Variants in MCC observed in about 807,000 individuals in gnomAD.
MCC encodes the protein colorectal mutant cancer protein.
A neutral mutation model predicts 116.2 loss-of-function variants in MCC; 90 were observed. That is an observed-to-expected ratio of 0.77 (90% CI 0.65 to 0.92). The LOEUF is 0.92. Among genes scored for constraint, MCC ranks in the 40% least tolerant of loss-of-function variants. MCC has a pLI of 0.00. For synonymous variants in MCC, 578 were observed against 510.5 expected, an observed-to-expected ratio of 1.13 and a Z score of -1.78; for missense variants, 1,516 against 1,312.2, an observed-to-expected ratio of 1.16 and a Z score of -2.40.
intron 3 of MCC, among the ~76,000 whole-genome samples, chr5:113,273,094 T>C (rs1022763909): frequency 5.3e-5 from 8 of 152,194 alleles, no homozygotes; most frequent in Admixed American, 2.0e-4. Flanking sequence ...TCAATAATAC[T>C]AGAAAGAAAA....
intron 3 of MCC, among the ~76,000 whole-genome samples, chr5:113,210,407 T>TGGAATTTAA (rs1554066966): frequency 6.6e-6 from 1 of 151,954 alleles, no homozygotes; most frequent in Non-Finnish European, 1.5e-5. Flanking sequence ...TGTTTTAGTC[T>TGGAATTTAA]GGAATATAAG....
chr5:113,078,623 A>G (rs994879786), intron 11 of MCC, among the ~76,000 whole-genome samples: 5 of 152,230 alleles, frequency 3.3e-5, no homozygotes, highest in Admixed American at 6.5e-5. Flanking sequence ...TCATGCTAAA[A>G]ACTCTCAATA....
intron 3 of MCC, among the ~76,000 whole-genome samples, chr5:113,298,495 T>G (rs970145154): frequency 1.2e-4 from 19 of 152,132 alleles, no homozygotes; most frequent in African/African-American, 3.6e-4. Flanking sequence ...TCCATAAATT[T>G]GATGGTGACA....
At chr5:113,399,525 G>T (rs879438064) in intron 1 of MCC, among the ~76,000 whole-genome samples, 42 of 152,060 alleles carry the variant, frequency 2.8e-4, no homozygotes, top group Admixed American at 2.3e-3. Context: ...TATTATTAAG[G>T]TTATTTACTA....
intron 14 of MCC, 87 bp downstream of exon 14, chr5:113,063,897 C>A: frequency 4.2e-6 from 6 of 1,429,260 alleles, no homozygotes; most frequent in Non-Finnish European, 4.7e-6. Context: ...CACACAGTCC[C>A]CAAGAGCTGG....
intron 17 of MCC, among the ~76,000 whole-genome samples, chr5:113,036,244 G>T (rs1193073794): frequency 1.3e-5 from 2 of 151,958 alleles, no homozygotes; most frequent in East Asian, 3.9e-4. Context: ...CACCATGTTG[G>T]CCAGGCCAGT....
chr5:113,053,878 C>T lies in MCC; in HGVS notation c.2295G>A (p.Gln765=), dbSNP rs1752646002. The change falls in exon 15 of 19, where the codon CAG becomes CAA. Residue 765 remains glutamine, a synonymous_variant. Coordinates refer to ENST00000408903, the MANE Select transcript of MCC (RefSeq NM_001085377.2). ...DEQRLKDYIQ[Q]LKNDRAAVKL... is the part of the protein sequence containing the mutation. ...TGACCGCAGCCCTGTCATTCTTGAG[C>T]TGCTGGATATAATCCTTCAGCCTCT... 6.2e-7 allele frequency: 1 copy of T among 1,614,172 alleles called. No homozygotes were observed. The highest frequency in any genetic ancestry group is 1.3e-5 in the African/African-American group (1 of 75,038).
intron 15 of MCC, among the ~76,000 whole-genome samples, chr5:113,053,183 T>TGAA (rs1190336937): frequency 6.6e-6 from 1 of 152,118 alleles, no homozygotes; most frequent in Non-Finnish European, 1.5e-5. Context: ...CACTAGCAGC[T>TGAA]GAAGGGCCCA....
chr5:113,073,334 G>C (rs924400372), intron 11 of MCC, among the ~76,000 whole-genome samples: 14 of 152,176 alleles, frequency 9.2e-5, no homozygotes, highest in African/African-American at 3.1e-4. Context: ...AGCTGCCCTG[G>C]CATACCACAA....
intron 1 of MCC, among the ~76,000 whole-genome samples, chr5:113,469,497 G>A (rs1369889761): frequency 3.9e-5 from 6 of 152,192 alleles, no homozygotes; most frequent in Non-Finnish European, 8.8e-5. Flanking sequence ...GCGGTTTTGA[G>A]TGAGTTTCTC....
intron 3 of MCC, among the ~76,000 whole-genome samples, chr5:113,196,633 A>G (rs1011817461): frequency 6.6e-6 from 1 of 152,298 alleles, no homozygotes; most frequent in African/African-American, 2.4e-5. Context: ...GGAGATAATG[A>G]GGTCAGGAGA....
intron 5 of MCC, among the ~76,000 whole-genome samples, chr5:113,124,862 C>G (rs536426982): frequency 2.0e-5 from 3 of 152,330 alleles, no homozygotes; most frequent in African/African-American, 7.2e-5. Context: ...AAGATGTTCA[C>G]AAGAAGGATG....
intron 13 of MCC, among the ~76,000 whole-genome samples, chr5:113,066,626 G>C (rs930125385): frequency 1.2e-4 from 19 of 152,220 alleles, no homozygotes; most frequent in African/African-American, 4.1e-4. Context: ...TCAGATTCCT[G>C]TGCAAGTCGA....
At chr5:113,123,520 C>A (rs141434236) in intron 5 of MCC, among the ~76,000 whole-genome samples, 8 of 152,314 alleles carry the variant, frequency 5.3e-5, no homozygotes, top group East Asian at 3.9e-4. Flanking sequence ...AACATTTAAA[C>A]CCCACTGTGT....
intron 3 of MCC, among the ~76,000 whole-genome samples, chr5:113,232,511 C>A (rs567110021): frequency 6.6e-6 from 1 of 152,192 alleles, no homozygotes; most frequent in African/African-American, 2.4e-5. Context: ...ATTCTGAATT[C>A]GCACGCCCAA....
intron 1 of MCC, among the ~76,000 whole-genome samples, chr5:113,389,600 C>G (rs1561548185): frequency 6.6e-6 from 1 of 152,090 alleles, no homozygotes; most frequent in African/African-American, 2.4e-5. Context: ...ACTTTGATTT[C>G]TTTCTCTCTT....
At chr5:113,461,158 G>C (rs534793561) in intron 1 of MCC, among the ~76,000 whole-genome samples, 9 of 152,140 alleles carry the variant, frequency 5.9e-5, no homozygotes, top group Non-Finnish European at 1.3e-4. Context: ...CTACGCAAGA[G>C]GCTGACACAG....
intron 17 of MCC, among the ~76,000 whole-genome samples, chr5:113,040,936 T>G (rs879869826): frequency 2.6e-5 from 4 of 152,342 alleles, no homozygotes; most frequent in Middle Eastern, 3.4e-3. Context: ...TTGAAAAACT[T>G]AAGGGCTTAG....
chr5:113,363,226 G>A (rs1267058739), intron 2 of MCC, among the ~76,000 whole-genome samples: 1 of 152,178 alleles, frequency 6.6e-6, no homozygotes, highest in Admixed American at 6.6e-5. Context: ...GCAGTGAGCC[G>A]AGATCACGCC....
Sources: gnomAD v4.1 joint callset for allele counts (sites outside exome capture counted in the v4.1 genomes callset) on GRCh38, gnomAD v4.1.1 for gene constraint, MANE v1.5 for transcripts, NCBI Gene and HGNC (gene_info 2026-07-23, HGNC 2026-07-21) for gene names.